KCNK10: variants seen among roughly 807,000 people sequenced by gnomAD.
KCNK10 encodes potassium two pore domain channel subfamily K member 10.
KCNK10 carries 25 observed loss-of-function variants against 47.7 expected under a neutral mutation model. The observed-to-expected ratio is 0.52, with a 90% confidence interval of 0.38 to 0.73. The LOEUF is 0.73. KCNK10 is among the 30% of genes least tolerant of loss of function. The pLI is 0.00. For missense variants in KCNK10, 563 were observed against 714.5 expected, an observed-to-expected ratio of 0.79 and a Z score of 2.42; for synonymous variants, 303 against 285.6, an observed-to-expected ratio of 1.06 and a Z score of -0.61.
intron 1 of KCNK10, among the ~76,000 whole-genome samples, chr14:88,284,892 G>A (rs1203363898): frequency 6.6e-6 from 1 of 152,124 alleles, no homozygotes; most frequent in African/African-American, 2.4e-5. Flanking sequence ...TCTATAAAAT[G>A]GGTACGATAA....
chr14:88,190,647 A>G (rs115204796), intron 5 of KCNK10, among the ~76,000 whole-genome samples: 1,820 of 152,232 alleles, frequency 0.012, 40 homozygotes, highest in African/African-American at 0.041. Flanking sequence ...GCTAAAAAAA[A>G]CTAAATTTAG....
chr14:88,224,548 G>T (rs1885923452), intron 4 of KCNK10, among the ~76,000 whole-genome samples: 1 of 152,164 alleles, frequency 6.6e-6, no homozygotes. Flanking sequence ...GTGTTGGAAG[G>T]ACCCAAAACA....
At chr14:88,268,843 T>C (rs184325581) in intron 1 of KCNK10, among the ~76,000 whole-genome samples, 186 of 152,300 alleles carry the variant, frequency 1.2e-3, no homozygotes, top group African/African-American at 4.3e-3. Context: ...TTTCTGCTAG[T>C]TTTCATTTTA....
intron 1 of KCNK10, among the ~76,000 whole-genome samples, chr14:88,287,200 C>T (rs1887781135): frequency 6.6e-6 from 1 of 152,202 alleles, no homozygotes; most frequent in Admixed American, 6.5e-5. Context: ...CTTCTCAAGC[C>T]TTACACCCTG....
At chr14:88,287,861 T>C (rs989834033) in intron 1 of KCNK10, among the ~76,000 whole-genome samples, 13 of 152,198 alleles carry the variant, frequency 8.5e-5, no homozygotes, top group Non-Finnish European at 1.3e-4. Flanking sequence ...CCTCTAGGTA[T>C]GCACCCAGGA....
intron 1 of KCNK10, among the ~76,000 whole-genome samples, chr14:88,263,938 TGGAGAGGAAGTAAATA>T (rs1887188578): frequency 6.6e-6 from 1 of 152,154 alleles, no homozygotes; most frequent in Non-Finnish European, 1.5e-5. Context: ...TTGTTGAACT[TGGAGAGGAAGTAAATA>T]GGAGAGGGAT....
intron 1 of KCNK10, among the ~76,000 whole-genome samples, chr14:88,296,243 C>T (rs935337965): frequency 6.6e-6 from 1 of 152,136 alleles, no homozygotes; most frequent in Non-Finnish European, 1.5e-5. Flanking sequence ...GACCTTGATG[C>T]CCCATGGAGC....
chr14:88,199,802 G>A (rs573023284), intron 4 of KCNK10, among the ~76,000 whole-genome samples: 11 of 152,298 alleles, frequency 7.2e-5, no homozygotes, highest in African/African-American at 2.4e-4. Flanking sequence ...AAAGGTAAAT[G>A]ACAAACAGGT....
chr14:88,190,009 C>T (rs765505674), intron 5 of KCNK10, among the ~76,000 whole-genome samples: 3 of 152,188 alleles, frequency 2.0e-5, no homozygotes, highest in Non-Finnish European at 4.4e-5. Context: ...TCTGTAATCA[C>T]TGACAAGGGC....
intron 2 of KCNK10, among the ~76,000 whole-genome samples, chr14:88,243,381 G>A (rs1886535423): frequency 6.6e-6 from 1 of 152,180 alleles, no homozygotes; most frequent in African/African-American, 2.4e-5. Context: ...AGGTCACCCA[G>A]CCAGGAAGTG....
intron 4 of KCNK10, among the ~76,000 whole-genome samples, chr14:88,216,719 T>A (rs530740777): frequency 9.2e-5 from 14 of 152,204 alleles, no homozygotes; most frequent in Admixed American, 2.0e-4. Flanking sequence ...CTACAGAAAA[T>A]CCTTAAACTA....
intron 2 of KCNK10, among the ~76,000 whole-genome samples, chr14:88,241,814 G>A (rs952039528): frequency 4.6e-5 from 7 of 152,182 alleles, no homozygotes; most frequent in Non-Finnish European, 1.0e-4. Flanking sequence ...TTCATACTTC[G>A]GCAACAATTA....
intron 1 of KCNK10, among the ~76,000 whole-genome samples, chr14:88,266,418 T>C (rs1435653854): frequency 6.6e-6 from 1 of 152,184 alleles, no homozygotes; most frequent in East Asian, 1.9e-4. Flanking sequence ...AGCCAAAAGC[T>C]ACCTCCTCTA....
intron 6 of KCNK10, among the ~76,000 whole-genome samples, chr14:88,187,205 G>A (rs543606508): frequency 1.1e-4 from 16 of 152,036 alleles, no homozygotes; most frequent in Non-Finnish European, 2.4e-4. Context: ...CTTTCTCCTG[G>A]GGCCTTTTAT....
At chr14:88,298,940 C>T (rs1888041016) in intron 1 of KCNK10, among the ~76,000 whole-genome samples, 1 of 152,162 alleles carries the variant, frequency 6.6e-6, no homozygotes, top group Admixed American at 6.5e-5. Flanking sequence ...TGATGCCCTT[C>T]CCTCTGCTGA....
At chr14:88,225,660 A>G (rs1163677719) in intron 4 of KCNK10, among the ~76,000 whole-genome samples, 1 of 152,232 alleles carries the variant, frequency 6.6e-6, no homozygotes, top group African/African-American at 2.4e-5. Flanking sequence ...ACAAATAAGG[A>G]AACTGAGCTC....
intron 1 of KCNK10, among the ~76,000 whole-genome samples, chr14:88,296,311 A>G (rs1887983176): frequency 6.6e-6 from 1 of 152,112 alleles, no homozygotes. Context: ...CAAGTTTTTT[A>G]CCCTCTCTGA....
intron 4 of KCNK10, among the ~76,000 whole-genome samples, chr14:88,193,371 G>A (rs148514106): frequency 9.2e-5 from 14 of 152,090 alleles, no homozygotes; most frequent in Admixed American, 6.6e-4. Flanking sequence ...TGGTAGCATC[G>A]GTCATATTCT....
chr14:88,213,670 T>C (rs1885528377), intron 4 of KCNK10, among the ~76,000 whole-genome samples: 1 of 152,102 alleles, frequency 6.6e-6, no homozygotes, highest in African/African-American at 2.4e-5. Context: ...AAGACCTCAC[T>C]GATAATGAAT....
Sources: gnomAD v4.1 joint callset for allele counts (sites outside exome capture counted in the v4.1 genomes callset) on GRCh38, gnomAD v4.1.1 for gene constraint, MANE v1.5 for transcripts, NCBI Gene and HGNC (gene_info 2026-07-23, HGNC 2026-07-21) for gene names.